The following RAB3C variants were observed in gnomAD, a reference collection of about 807,000 sequenced individuals.
The protein encoded by RAB3C is RAB3C, member RAS oncogene family, also known as ras-related protein Rab-3C.
Under a neutral mutation model 26.4 loss-of-function variants are expected in RAB3C, and 17 were observed. That is an observed-to-expected ratio of 0.64 (90% CI 0.44 to 0.97). The LOEUF is 0.97. Ranked by LOEUF, RAB3C falls within the 50% of genes least tolerant of loss-of-function variation. RAB3C has a pLI of 0.00. For synonymous variants in RAB3C, 91 were observed against 95.9 expected (o/e 0.95, Z 0.30); for missense variants, 242 against 281.9 (o/e 0.86, Z 1.01).
chr5:58,751,899 G>A (rs1741533943), intron 3 of RAB3C, among the ~76,000 whole-genome samples: 1 of 152,086 alleles, frequency 6.6e-6, no homozygotes, highest in Non-Finnish European at 1.5e-5. Flanking sequence ...TGCCTTTAAA[G>A]CTATACATAA....
intron 3 of RAB3C, among the ~76,000 whole-genome samples, chr5:58,773,729 AC>A (rs1458567941): frequency 6.6e-6 from 1 of 152,144 alleles, no homozygotes; most frequent in African/African-American, 2.4e-5. Context: ...CAAGATGAAG[AC>A]GCAGTGAACC....
intron 2 of RAB3C, among the ~76,000 whole-genome samples, chr5:58,699,019 G>A (rs954325198): frequency 1.3e-5 from 2 of 152,150 alleles, no homozygotes; most frequent in African/African-American, 4.8e-5. Flanking sequence ...CCGATTTTTA[G>A]TATTTTCAGC....
chr5:58,627,352 C>CGTAAATTCGGTGCAAATTAAGCATT lies in RAB3C; in HGVS notation c.252+9482_252+9483insGTAAATTCGGTGCAAATTAAGCATT, dbSNP rs1747074750. On this transcript the variant is annotated intron_variant, in intron 2 of 4. Coordinates refer to ENST00000282878, the MANE Select transcript of RAB3C (RefSeq NM_138453.4). ...CCAGTTTTTCTGGCATTAAACACAG[C>CGTAAATTCGGTGCAAATTAAGCATT]TACTCGGGAGGCTGAGGCAGGAGAA... Among the ~76,000 whole-genome samples, 2 of 141,588 alleles carry CGTAAATTCGGTGCAAATTAAGCATT rather than the reference C, an allele frequency of 1.4e-5. 1 individual carries two copies. The highest frequency in any genetic ancestry group is 3.1e-5 in the Non-Finnish European group (2 of 65,064). 92.9% of individuals were successfully genotyped at this position (141,588 alleles called of 152,430 possible). A position where few individuals can be genotyped will look rare whatever the true frequency, so the allele number is the denominator to read the frequency against.
At chr5:58,673,723 A>G (rs1671984879) in intron 2 of RAB3C, among the ~76,000 whole-genome samples, 1 of 152,184 alleles carries the variant, frequency 6.6e-6, no homozygotes, top group African/African-American at 2.4e-5. Flanking sequence ...TACGTTTCCC[A>G]ATGAAAAAGG....
intron 2 of RAB3C, among the ~76,000 whole-genome samples, chr5:58,640,546 A>G (rs1359530209): frequency 2.0e-5 from 3 of 152,180 alleles, no homozygotes; most frequent in East Asian, 3.8e-4. Context: ...TTATGAGCCA[A>G]CATACTGTGA....
intron 2 of RAB3C, among the ~76,000 whole-genome samples, chr5:58,723,232 A>G (rs979982258): frequency 3.3e-5 from 5 of 151,898 alleles, no homozygotes; most frequent in African/African-American, 1.2e-4. Flanking sequence ...TGCCATTGAT[A>G]GTATGTTCTG....
At chr5:58,636,691 G>T in intron 2 of RAB3C, among the ~76,000 whole-genome samples, 1 of 152,146 alleles carries the variant, frequency 6.6e-6, no homozygotes, top group Admixed American at 6.5e-5. Flanking sequence ...TGACCAGGAT[G>T]AAAAATAAAT....
chr5:58,677,332 C>A (rs1748250350), intron 2 of RAB3C, among the ~76,000 whole-genome samples: 1 of 152,150 alleles, frequency 6.6e-6, no homozygotes, highest in Non-Finnish European at 1.5e-5. Flanking sequence ...GGGGAGTGGG[C>A]ACAAGACAAT....
intron 3 of RAB3C, among the ~76,000 whole-genome samples, chr5:58,769,533 C>T (rs1351699274): frequency 6.6e-6 from 1 of 151,788 alleles, no homozygotes; most frequent in African/African-American, 2.4e-5. Flanking sequence ...TCCTGACAAC[C>T]ATATCTTTAA....
At chr5:58,596,698 ATAT>A (rs374094649) in intron 1 of RAB3C, among the ~76,000 whole-genome samples, 41 of 28,288 alleles carry the variant, frequency 1.4e-3, no homozygotes, top group Non-Finnish European at 2.9e-3. Flanking sequence ...AATACATAAT[ATAT>A]TATATATAAA....
intron 2 of RAB3C, among the ~76,000 whole-genome samples, chr5:58,686,693 T>TACACACACACACACACACGC (rs1748451619): frequency 2.6e-5 from 3 of 114,136 alleles, no homozygotes; most frequent in Non-Finnish European, 4.5e-5. Context: ...CACACACACA[T>TACACACACACACACACACGC]ACACACACAC....
intron 4 of RAB3C, among the ~76,000 whole-genome samples, chr5:58,830,799 G>T (rs1335875550): frequency 6.6e-6 from 1 of 152,046 alleles, no homozygotes; most frequent in Non-Finnish European, 1.5e-5. Context: ...TGTAATAGCA[G>T]CATCATCATA....
In RAB3C at chr5:58,594,660, C is replaced by T. The variant is rs182585624; in HGVS notation, c.24+11428C>T. Among the ~76,000 whole-genome samples the T allele has an allele frequency of 2.5e-3, 375 of 152,108 alleles. 1 individual carries two copies. Among genetic ancestry groups the T allele is most frequent in the African/African-American group, 8.2e-3 (342 of 41,504 alleles). ...CAAGGTGCTTGTTCCTATACATGAC[C>T]TACCTTGATGGATGAAATAAGGGAG... On this transcript the variant is annotated intron_variant, in intron 1 of 4. Transcript: ENST00000282878.
At chr5:58,715,866 C>A (rs1749159648) in intron 2 of RAB3C, among the ~76,000 whole-genome samples, 1 of 151,804 alleles carries the variant, frequency 6.6e-6, no homozygotes, top group African/African-American at 2.4e-5. Flanking sequence ...CTTAGAGAGA[C>A]TAAAGAATCA....
At chr5:58,712,685 C>T (rs529285315) in intron 2 of RAB3C, among the ~76,000 whole-genome samples, 9 of 152,160 alleles carry the variant, frequency 5.9e-5, no homozygotes, top group East Asian at 3.9e-4. Context: ...CCATGATGCC[C>T]GGCTAATTTT....
At chr5:58,714,912 T>G (rs1749136913) in intron 2 of RAB3C, among the ~76,000 whole-genome samples, 2 of 151,990 alleles carry the variant, frequency 1.3e-5, no homozygotes, top group South Asian at 4.1e-4. Context: ...TAGTGGTTAT[T>G]ATAGAAAATA....
Position 58,617,810 on chromosome 5 carries a change from G to A in RAB3C, c.192G>A (p.Gly64=), listed in dbSNP as rs1295092591. 6.2e-7 allele frequency: 1 copy of A among 1,613,272 alleles called. No individual in the cohort carries two copies. The highest frequency in any genetic ancestry group is 8.5e-7 in the Non-Finnish European group (1 of 1,179,572). The part of the protein sequence containing the change: ...SFTSAFVSTV[G]IDFKVKTVFK... Reference sequence around the variant, plus strand: ...CATCTGCATTCGTCAGCACAGTTGGGATCGATTTCAAAGTAAAAACTGTAT... The same window carrying A: ...CATCTGCATTCGTCAGCACAGTTGGAATCGATTTCAAAGTAAAAACTGTAT... Residue 64 remains glycine (G), a synonymous_variant, in exon 2 of 5, where the codon GGG becomes GGA. Transcript: ENST00000282878.
intron 3 of RAB3C, among the ~76,000 whole-genome samples, chr5:58,729,673 CACAATACGTGTT>C (rs1740964467): frequency 6.8e-6 from 1 of 147,892 alleles, no homozygotes; most frequent in Admixed American, 6.8e-5. Context: ...CACACATACA[CACAATACGTGTT>C]ACATAATGTA....
rs559823964 is a variant in RAB3C, at chr5:58,585,780, G to A, written c.24+2548G>A. ...CTTTCTGAATTGAGGGAAAATGAGG[G>A]ATAATTGTTTTTTATAGTAACTACC... On this transcript the variant is annotated intron_variant, in intron 1 of 4. Coordinates refer to ENST00000282878, the MANE Select transcript of RAB3C (RefSeq NM_138453.4). Among the ~76,000 whole-genome samples the A allele has an allele frequency of 5.3e-5, 8 of 152,126 alleles. No homozygotes were observed. In the South Asian group the frequency reaches 1.7e-3, roughly 32 times the overall value.
Sources: gnomAD v4.1 joint callset for allele counts (sites outside exome capture counted in the v4.1 genomes callset) on GRCh38, gnomAD v4.1.1 for gene constraint, MANE v1.5 for transcripts, NCBI Gene and HGNC (gene_info 2026-07-23, HGNC 2026-07-21) for gene names.